SHOC1: variants seen among roughly 807,000 people sequenced by gnomAD.
The protein encoded by SHOC1 is protein shortage in chiasmata 1 ortholog.
A neutral mutation model predicts 179.2 loss-of-function variants in SHOC1; 136 were observed. The observed-to-expected ratio is 0.76, with a 90% CI of 0.66 to 0.87. SHOC1 has a LOEUF of 0.87. Among genes scored for constraint, SHOC1 ranks in the 40% least tolerant of loss-of-function variants. SHOC1 has a pLI of 0.00. For synonymous variants in SHOC1, 489 were observed against 586.6 expected, an observed-to-expected ratio of 0.83 and a Z score of 2.41; for missense variants, 1,538 against 1,700.8, an observed-to-expected ratio of 0.90 and a Z score of 1.68.
At chr9:111,791,715 C>T (rs1240373166) in intron 1 of SHOC1, among the ~76,000 whole-genome samples, 3 of 151,974 alleles carry the variant, frequency 2.0e-5, no homozygotes, top group Non-Finnish European at 4.4e-5. Context: ...CATTTTGTTG[C>T]AAAAGAGGTT....
intron 12 of SHOC1, among the ~76,000 whole-genome samples, chr9:111,734,526 T>C (rs1158329076): frequency 6.6e-6 from 1 of 152,220 alleles, no homozygotes; most frequent in Non-Finnish European, 1.5e-5. Context: ...ACCAAATATC[T>C]TTGTCTTCTG....
At chr9:111,782,069 A>G (rs427143) in intron 3 of SHOC1, among the ~76,000 whole-genome samples, 124,581 of 152,180 alleles carry the variant, frequency 0.82, 51,189 homozygotes, top group East Asian at 0.92. Flanking sequence ...AAAATTATCC[A>G]GGCGTGGTGG....
At chr9:111,698,620 G>A (rs1197740411) in intron 24 of SHOC1, among the ~76,000 whole-genome samples, 3 of 140,182 alleles carry the variant, frequency 2.1e-5, no homozygotes, top group Admixed American at 2.1e-4. Context: ...CTGAAGTCAG[G>A]TAGCGTGATG....
rs143086250 is a variant in SHOC1, at chr9:111,707,874, A to T, written c.2539T>A (p.Ser847Thr). ...TTTTACCCCCTTAAAACACCTTCAG[A>T]TTCCAGAAAATCTTTTCTTTCATTT... ...HSNERKDFLESEGVLRGTSSC... is the reference protein window; with the variant it reads ...HSNERKDFLETEGVLRGTSSC... Residue 847 changes from serine to threonine, a missense_variant, in exon 19 of 28, where the codon TCT becomes ACT. Coordinates refer to ENST00000682961, the MANE Select transcript of SHOC1 (RefSeq NM_001378211.1). 218 of 1,582,576 alleles carry T rather than the reference A, an allele frequency of 1.4e-4. 1 individual carries two copies. Among genetic ancestry groups the T allele is most frequent in the Non-Finnish European group, 1.8e-4 (209 of 1,165,892 alleles).
chr9:111,706,855 C>T, intron 19 of SHOC1, 109 bp from the exon 20 acceptor site: 1 of 660,720 alleles, frequency 1.5e-6, no homozygotes, highest in Non-Finnish European at 2.3e-6. Context: ...CTAATCTATG[C>T]CTCATCTTAG....
Position 111,780,956 on chromosome 9 carries a change from A to G in SHOC1, c.231T>C (p.Ser77=). The part of the protein sequence containing the change: ...DTSVLDQWKA[S]FFVEDFLEKK... ...TCTCAAGGAAATCCTCCACAAAGAA[A>G]CTTGCTTTCCATTGGTCCAAGACTG... The change falls in exon 4 of 28, where the codon AGT becomes AGC. Residue 77 remains serine (S), a synonymous_variant. Transcript: ENST00000682961. 6.2e-7 allele frequency: 1 copy of G among 1,613,394 alleles called. No homozygotes were observed. Among genetic ancestry groups the G allele is most frequent in the African/African-American group, 1.3e-5 (1 of 75,018 alleles).
chr9:111,739,510 G>T (rs925273307), intron 11 of SHOC1, among the ~76,000 whole-genome samples: 7 of 151,564 alleles, frequency 4.6e-5, no homozygotes. Context: ...TCTGCTTCCT[G>T]ACACTATAAA....
chr9:111,759,186 A>G (rs772851637), intron 5 of SHOC1: 1 of 1,613,254 alleles, frequency 6.2e-7, no homozygotes, highest in Non-Finnish European at 8.5e-7. Flanking sequence ...AGCCTAAGCA[A>G]AATTTTAAAG....
intron 5 of SHOC1, among the ~76,000 whole-genome samples, chr9:111,763,639 A>G (rs920353557): frequency 6.6e-6 from 1 of 152,152 alleles, no homozygotes; most frequent in African/African-American, 2.4e-5. Context: ...TACTACCTAC[A>G]TTCCTATTCT....
chr9:111,707,923 ACCTGTTGG>A lies in SHOC1; in HGVS notation c.2489-7_2489del, dbSNP rs1165210611. On this transcript the variant is annotated splice_acceptor_variant and splice_polypyrimidine_tract_variant and coding_sequence_variant and intron_variant, in exon 19 of 28. Transcript: ENST00000682961. LOFTEE classifies it high-confidence loss of function. ...TTGAATGAAGGACAGTCAGTGTTAA[ACCTGTTGG>A]AAAAAAGAATAATTTTTTTCAGTGT... The A allele has an allele frequency of 6.5e-7, 1 of 1,538,422 alleles. No homozygotes were observed. Among genetic ancestry groups the A allele is most frequent in the Non-Finnish European group, 8.7e-7 (1 of 1,145,942 alleles).
chr9:111,770,240 G>C (rs1317549549), intron 5 of SHOC1, among the ~76,000 whole-genome samples: 1 of 151,692 alleles, frequency 6.6e-6, no homozygotes, highest in Admixed American at 6.6e-5. Context: ...TCATTTATTT[G>C]TTTGAAGAAA....
chr9:111,737,650 A>C (rs1376728872), intron 12 of SHOC1, among the ~76,000 whole-genome samples: 2 of 149,058 alleles, frequency 1.3e-5, no homozygotes, highest in African/African-American at 4.9e-5. Context: ...ACAGAGTGAG[A>C]CTATGTCTCA....
At chr9:111,746,171 G>A in intron 10 of SHOC1, 63 bp downstream of exon 10, 2 of 1,121,526 alleles carry the variant, frequency 1.8e-6, no homozygotes, top group South Asian at 2.7e-5. Context: ...TATATGGAGA[G>A]ATTTAAATAA....
intron 13 of SHOC1, among the ~76,000 whole-genome samples, chr9:111,726,220 C>T (rs937342251): frequency 6.6e-6 from 1 of 152,050 alleles, no homozygotes; most frequent in African/African-American, 2.4e-5. Context: ...TAAAAAGTAA[C>T]TTTAAGTTGA....
chr9:111,777,304 C>T (rs574224120), intron 4 of SHOC1, among the ~76,000 whole-genome samples: 12 of 152,310 alleles, frequency 7.9e-5, no homozygotes, highest in South Asian at 2.1e-4. Flanking sequence ...AATCTTGTAG[C>T]TAATTTGTTA....
chr9:111,705,901 A>C (rs1314303046), intron 20 of SHOC1, among the ~76,000 whole-genome samples: 1 of 152,086 alleles, frequency 6.6e-6, no homozygotes, highest in Admixed American at 6.6e-5. Context: ...GAATAGTTAC[A>C]CAAGATCAAT....
At chr9:111,776,542 G>T (rs1407186438) in intron 4 of SHOC1, among the ~76,000 whole-genome samples, 1 of 152,116 alleles carries the variant, frequency 6.6e-6, no homozygotes, top group African/African-American at 2.4e-5. Context: ...TTTATGTTCT[G>T]TTCCGTAACC....
At chr9:111,768,963 CA>C (rs1054839013) in intron 5 of SHOC1, among the ~76,000 whole-genome samples, 28 of 152,160 alleles carry the variant, frequency 1.8e-4, no homozygotes, top group African/African-American at 6.7e-4. Context: ...TTATCATAAA[CA>C]GATGTTGAAT....
intron 5 of SHOC1, among the ~76,000 whole-genome samples, chr9:111,760,790 A>T (rs1342037348): frequency 1.3e-5 from 2 of 151,330 alleles, no homozygotes; most frequent in Non-Finnish European, 3.0e-5. Flanking sequence ...AAAAGGCAAG[A>T]TAAAAAACAC....
Sources: gnomAD v4.1 joint callset for allele counts (sites outside exome capture counted in the v4.1 genomes callset) on GRCh38, gnomAD v4.1.1 for gene constraint, MANE v1.5 for transcripts, NCBI Gene and HGNC (gene_info 2026-07-23, HGNC 2026-07-21) for gene names.